The following SDK1 variants were observed in gnomAD, a reference collection of about 807,000 sequenced individuals.
SDK1 encodes the protein protein sidekick-1.
SDK1 carries 157 observed loss-of-function variants against 245.5 expected under a neutral mutation model. The observed-to-expected ratio is 0.64, with a 90% confidence interval of 0.56 to 0.73. SDK1 has a LOEUF of 0.73. Ranked by LOEUF, SDK1 falls within the 30% of genes least tolerant of loss-of-function variation. The pLI is 0.00. For synonymous variants in SDK1, 1,647 were observed against 1,278.5 expected (o/e 1.29, Z -6.15); for missense variants, 3,583 against 3,002.3 (o/e 1.19, Z -4.52).
At chr7:3,677,256 G>A (rs978975986) in intron 4 of SDK1, among the ~76,000 whole-genome samples, 2 of 151,998 alleles carry the variant, frequency 1.3e-5, no homozygotes, top group South Asian at 2.1e-4. Context: ...TTTAACATAC[G>A]ATAAGCATCT....
intron 1 of SDK1, among the ~76,000 whole-genome samples, chr7:3,510,322 G>A (rs1233351084): frequency 6.6e-6 from 1 of 152,184 alleles, no homozygotes; most frequent in East Asian, 1.9e-4. Context: ...TAACTGACTT[G>A]CACAGACGTT....
intron 41 of SDK1, among the ~76,000 whole-genome samples, chr7:4,235,835 A>G (rs568041011): frequency 1.3e-5 from 2 of 152,362 alleles, no homozygotes; most frequent in South Asian, 2.1e-4. Context: ...TGCTGGCGTC[A>G]GGACCGGGCC....
intron 1 of SDK1, among the ~76,000 whole-genome samples, chr7:3,608,168 G>A (rs1417911236): frequency 1.3e-5 from 2 of 152,170 alleles, no homozygotes; most frequent in Non-Finnish European, 2.9e-5. Context: ...CTCAAAAATA[G>A]CCTTAAAGTA....
intron 4 of SDK1, among the ~76,000 whole-genome samples, chr7:3,725,091 G>C (rs1184546686): frequency 6.6e-6 from 1 of 152,228 alleles, no homozygotes; most frequent in Non-Finnish European, 1.5e-5. Flanking sequence ...GAGAAAGATA[G>C]ATCTACAGAG....
intron 1 of SDK1, among the ~76,000 whole-genome samples, chr7:3,307,133 C>G (rs1779435988): frequency 6.6e-6 from 1 of 152,098 alleles, no homozygotes; most frequent in South Asian, 2.1e-4. Context: ...TACATTTAAC[C>G]CAAAGTAACC....
chr7:3,736,513 C>T (rs1779322241), intron 4 of SDK1, among the ~76,000 whole-genome samples: 1 of 152,096 alleles, frequency 6.6e-6, no homozygotes. Flanking sequence ...CCCTCGTGAT[C>T]CACCCACCTC....
chr7:3,908,968 A>G (rs1439366893), intron 5 of SDK1, among the ~76,000 whole-genome samples: 1 of 151,732 alleles, frequency 6.6e-6, no homozygotes, highest in East Asian at 2.0e-4. Flanking sequence ...CCATCAGGAG[A>G]TGGAGGTGAG....
intron 17 of SDK1, among the ~76,000 whole-genome samples, chr7:4,031,839 C>T (rs572264810): frequency 2.0e-5 from 3 of 152,006 alleles, no homozygotes; most frequent in Non-Finnish European, 4.4e-5. Context: ...CCAGCCTGGC[C>T]AACATGGTGA....
chr7:3,304,711 C>T (rs1779371425), intron 1 of SDK1, among the ~76,000 whole-genome samples: 1 of 152,188 alleles, frequency 6.6e-6, no homozygotes, highest in South Asian at 2.1e-4. Flanking sequence ...TTATAATACA[C>T]ATTGGAATTC....
intron 1 of SDK1, among the ~76,000 whole-genome samples, chr7:3,361,061 G>A (rs973744566): frequency 2.6e-5 from 4 of 152,138 alleles, no homozygotes; most frequent in African/African-American, 4.8e-5. Flanking sequence ...GTGACAGACT[G>A]TTGTACTTTA....
At chr7:4,029,203 T>A (rs948609567) in intron 17 of SDK1, among the ~76,000 whole-genome samples, 2 of 140,002 alleles carry the variant, frequency 1.4e-5, no homozygotes, top group African/African-American at 6.3e-5. Context: ...ATTTTCTTTC[T>A]TTTATTCTTT....
At chr7:4,186,669 T>G (rs527319358) in intron 35 of SDK1, among the ~76,000 whole-genome samples, 4 of 151,898 alleles carry the variant, frequency 2.6e-5, no homozygotes, top group Non-Finnish European at 5.9e-5. Flanking sequence ...CGTCAATGAG[T>G]AGAGCCCCCC....
chr7:3,769,434 C>T (rs560103314), intron 4 of SDK1, among the ~76,000 whole-genome samples: 2 of 152,112 alleles, frequency 1.3e-5, no homozygotes, highest in Non-Finnish European at 2.9e-5. Context: ...CCTATGATAA[C>T]CCTTTAATCC....
chr7:3,849,053 T>C (rs1780353075), intron 5 of SDK1, among the ~76,000 whole-genome samples: 1 of 152,218 alleles, frequency 6.6e-6, no homozygotes. Flanking sequence ...CTTCCTGGCC[T>C]GGTATTTAAG....
At chr7:3,921,692 A>G (rs1206469073) in intron 5 of SDK1, among the ~76,000 whole-genome samples, 1 of 152,144 alleles carries the variant, frequency 6.6e-6, no homozygotes, top group Non-Finnish European at 1.5e-5. Context: ...CGGGCCAGGC[A>G]CGGTGGCTCA....
In SDK1 at chr7:3,301,253, C is replaced by T. The variant is rs1360676563; in HGVS notation, c.-334C>T. On this transcript the variant is annotated 5_prime_UTR_variant, in exon 1 of 45. Coordinates refer to ENST00000404826, the MANE Select transcript of SDK1 (RefSeq NM_152744.4). ...CGCGACCGCGACGTGCGGGCGGGCGCACTTTCTTCTCAGCGCCGGGCGGGG... is the reference window on the plus strand; with the variant it reads ...CGCGACCGCGACGTGCGGGCGGGCGTACTTTCTTCTCAGCGCCGGGCGGGG... Among the ~76,000 whole-genome samples, 2 of 146,368 alleles carry T rather than the reference C, an allele frequency of 1.4e-5. No homozygotes were observed. Among genetic ancestry groups the T allele is most frequent in the African/African-American group, 5.0e-5 (2 of 40,222 alleles).
At chr7:3,945,679 A>G (rs1474066156) in intron 5 of SDK1, among the ~76,000 whole-genome samples, 2 of 151,916 alleles carry the variant, frequency 1.3e-5, no homozygotes, top group East Asian at 3.9e-4. Context: ...GCGGATCACA[A>G]ACGAGGTCAG....
chr7:3,575,468 C>T (rs1457180403), intron 1 of SDK1, among the ~76,000 whole-genome samples: 1 of 151,640 alleles, frequency 6.6e-6, no homozygotes, highest in Non-Finnish European at 1.5e-5. Context: ...TCCCTAAGAA[C>T]ATCTAATTTG....
In SDK1 at chr7:4,114,163, A is replaced by G. The variant is rs753106295; in HGVS notation, c.3712A>G (p.Thr1238Ala). 9 of 1,614,096 alleles carry G rather than the reference A, an allele frequency of 5.6e-6. No individual in the cohort carries two copies. In the South Asian group the frequency reaches 8.8e-5, roughly 16 times the overall value. ...VVSDRLEREF[T>A]IEELEEWMEY... ...CAGTGACCGGCTGGAGAGAGAATTC[A>G]CCATCGAGGAGCTGGAGGAGTGGAT... Residue 1238 changes from threonine to alanine, a missense_variant, in exon 25 of 45, where the codon ACC becomes GCC. Coordinates refer to ENST00000404826, the MANE Select transcript of SDK1 (RefSeq NM_152744.4).
Sources: gnomAD v4.1 joint callset for allele counts (sites outside exome capture counted in the v4.1 genomes callset) on GRCh38, gnomAD v4.1.1 for gene constraint, MANE v1.5 for transcripts, NCBI Gene and HGNC (gene_info 2026-07-23, HGNC 2026-07-21) for gene names.